Variants in STK3 observed in about 807,000 individuals in gnomAD.
STK3 encodes serine/threonine-protein kinase 3.
A neutral mutation model predicts 58.0 loss-of-function variants in STK3; 41 were observed. The ratio of observed to expected loss-of-function variants is 0.71; its 90% confidence interval spans 0.55 to 0.92. STK3 has a LOEUF of 0.92. STK3 is among the 40% of genes least tolerant of loss of function. The pLI, the probability that STK3 is intolerant of heterozygous loss-of-function variation, is 0.00. For synonymous variants in STK3, 170 were observed against 191.0 expected (o/e 0.89, Z 0.91); for missense variants, 479 against 602.7 (o/e 0.79, Z 2.15).
At chr8:98,408,552 T>C (rs1486572190) in intron 3 of STK3, among the ~76,000 whole-genome samples, 1 of 152,224 alleles carries the variant, frequency 6.6e-6, no homozygotes, top group Non-Finnish European at 1.5e-5. Flanking sequence ...CAACAATTTA[T>C]TCTCAAATAC....
At chr8:98,589,299 T>G (rs1241459173) in intron 7 of STK3, among the ~76,000 whole-genome samples, 1 of 152,190 alleles carries the variant, frequency 6.6e-6, no homozygotes, top group Non-Finnish European at 1.5e-5. Flanking sequence ...TTTCTGTTTG[T>G]TAGTTTTCCT....
chr8:98,562,737 GAAAAAAAAAAAAAAA>G (rs778049177), intron 8 of STK3, among the ~76,000 whole-genome samples: 18 of 17,388 alleles, frequency 1.0e-3, no homozygotes, highest in Middle Eastern at 0.071. Context: ...CACAAAAAAT[GAAAAAAAAAAAAAAA>G]AAAAAAAAAA....
At chr8:98,882,479 A>T (rs1587797120), downstream of STK3, 1 of 148,524 alleles carries the variant, frequency 6.7e-6, no homozygotes, top group East Asian at 2.0e-4. Context: ...GCAATGGTGC[A>T]GTCTCACCTT....
downstream of STK3, chr8:98,880,354 C>T (rs1026446030): frequency 1.3e-5 from 2 of 152,174 alleles, no homozygotes; most frequent in African/African-American, 4.8e-5. Flanking sequence ...AACATAACCA[C>T]ATTTATTTAA....
rs1008066298 is a variant in STK3 at position 98,819,289 on chromosome 8, AT to A, written c.26+6225del. Reference sequence around the variant, plus strand: ...CTGTACTGAGTCTCAGTATCAATGAATTTTTTTTTTTAAATGTTGAAAGCCA... The same window carrying A: ...CTGTACTGAGTCTCAGTATCAATGAATTTTTTTTTTAAATGTTGAAAGCCA... On this transcript the variant is annotated intron_variant, in intron 1 of 10. Coordinates refer to ENST00000419617, the MANE Select transcript of STK3 (RefSeq NM_006281.4). Among the ~76,000 whole-genome samples, 1,339 of 149,602 alleles carry A rather than the reference AT, an allele frequency of 9.0e-3. 11 individuals are homozygous for A. Among genetic ancestry groups the A allele is most frequent in the African/African-American group, 0.03 (1,243 of 40,902 alleles).
chr8:98,493,052 G>A (rs1437515240), intron 10 of STK3, among the ~76,000 whole-genome samples: 2 of 151,364 alleles, frequency 1.3e-5, no homozygotes, highest in South Asian at 4.2e-4. Context: ...GTAACATAGT[G>A]AGACCCAACT....
chr8:98,772,756 C>T (rs957633938), intron 2 of STK3, among the ~76,000 whole-genome samples: 5 of 152,042 alleles, frequency 3.3e-5, no homozygotes, highest in Non-Finnish European at 7.4e-5. Flanking sequence ...CCCTATCTTG[C>T]TCCTGCTCTC....
At chr8:98,802,973 A>C (rs964960658) in intron 1 of STK3, among the ~76,000 whole-genome samples, 1 of 152,320 alleles carries the variant, frequency 6.6e-6, no homozygotes, top group Admixed American at 6.5e-5. Flanking sequence ...CTTTATCCCC[A>C]GCACAAAAAA....
intron 3 of STK3, among the ~76,000 whole-genome samples, chr8:98,418,391 C>T (rs531844022): frequency 2.0e-5 from 3 of 152,168 alleles, no homozygotes; most frequent in Non-Finnish European, 4.4e-5. Context: ...TTCAGAAAAC[C>T]CAGAGCCAAC....
At chr8:98,763,872 G>A (rs1426470362) in intron 3 of STK3, among the ~76,000 whole-genome samples, 2 of 152,010 alleles carry the variant, frequency 1.3e-5, no homozygotes, top group Admixed American at 6.6e-5. Context: ...ATGGAGTTTT[G>A]CCATGTTGGC....
intron 9 of STK3, among the ~76,000 whole-genome samples, chr8:98,530,072 A>C (rs1826056829): frequency 1.3e-5 from 2 of 152,230 alleles, no homozygotes; most frequent in South Asian, 4.1e-4. Flanking sequence ...GAATATCGCA[A>C]TAATGTAAGT....
At chr8:98,361,090 G>C in the STK3 span, among the ~76,000 whole-genome samples, 7 of 152,144 alleles carry the variant, frequency 4.6e-5, no homozygotes, top group African/African-American at 1.7e-4. Context: ...CCTGCAGAAT[G>C]TATAAACTAA....
intron 10 of STK3, among the ~76,000 whole-genome samples, chr8:98,512,722 C>T (rs1299285166): frequency 1.3e-5 from 2 of 152,152 alleles, no homozygotes; most frequent in Non-Finnish European, 2.9e-5. Flanking sequence ...GCTTAGATAG[C>T]ATGAATTCTG....
chr8:98,532,132 C>T (rs1363693239), intron 9 of STK3, among the ~76,000 whole-genome samples: 1 of 152,198 alleles, frequency 6.6e-6, no homozygotes, highest in African/African-American at 2.4e-5. Flanking sequence ...TGCAAGAGGC[C>T]TAGCTTTCAC....
chr8:98,623,142 G>A (rs568846873), intron 6 of STK3, among the ~76,000 whole-genome samples: 1 of 151,964 alleles, frequency 6.6e-6, no homozygotes, highest in East Asian at 1.9e-4. Flanking sequence ...CCTCCACATG[G>A]AACATATTGT....
intron 6 of STK3, among the ~76,000 whole-genome samples, chr8:98,694,601 T>C (rs1242072133): frequency 6.6e-6 from 1 of 152,200 alleles, no homozygotes; most frequent in Non-Finnish European, 1.5e-5. Flanking sequence ...ACATGTGGTG[T>C]TTGGTTTCTT....
chr8:98,614,333 A>G (rs1183191042), intron 6 of STK3, among the ~76,000 whole-genome samples: 1 of 152,228 alleles, frequency 6.6e-6, no homozygotes, highest in Non-Finnish European at 1.5e-5. Flanking sequence ...GTCTCCAAGC[A>G]CAATGGAATC....
At chr8:98,560,815 T>C (rs1218387472) in intron 8 of STK3, among the ~76,000 whole-genome samples, 2 of 152,064 alleles carry the variant, frequency 1.3e-5, no homozygotes, top group African/African-American at 4.8e-5. Flanking sequence ...GGTGGATTGC[T>C]TGAGCCCAGG....
chr8:98,346,284 CAAA>C, the STK3 span, among the ~76,000 whole-genome samples: 11 of 118,160 alleles, frequency 9.3e-5, no homozygotes, highest in Non-Finnish European at 1.1e-4. Flanking sequence ...GACTCCGTCT[CAAA>C]AAAAAAAAAA....
Sources: allele counts gnomAD v4.1 joint callset (sites outside exome capture counted in the v4.1 genomes callset), GRCh38; gene constraint gnomAD v4.1.1; transcripts MANE v1.5; gene names NCBI Gene and HGNC (gene_info 2026-07-23, HGNC 2026-07-21).